NTRK2: variants seen among roughly 807,000 people sequenced by gnomAD.
NTRK2 encodes BDNF/NT-3 growth factors receptor.
A neutral mutation model predicts 94.5 loss-of-function variants in NTRK2; 13 were observed. That is an observed-to-expected ratio of 0.14 (90% CI 0.09 to 0.22). The LOEUF (loss-of-function observed/expected upper bound fraction) is 0.22. Ranked by LOEUF, NTRK2 falls within the 10% of genes least tolerant of loss-of-function variation. The probability of loss-of-function intolerance (pLI) is 1.00; values close to 1 mark genes in which losing one functional copy is unlikely to be tolerated. For missense variants in NTRK2, 639 were observed against 1,071.2 expected, an observed-to-expected ratio of 0.60 and a Z score of 5.63; for synonymous variants, 372 against 407.4, an observed-to-expected ratio of 0.91 and a Z score of 1.05.
chr9:84,716,974 G>T (rs748343760), intron 6 of NTRK2, among the ~76,000 whole-genome samples: 10 of 152,198 alleles, frequency 6.6e-5, no homozygotes, highest in Admixed American at 4.6e-4. Flanking sequence ...CCTGGTTGTG[G>T]AATATAGCTG....
chr9:84,772,568 G>A (rs1041556908), intron 12 of NTRK2, among the ~76,000 whole-genome samples: 1 of 152,144 alleles, frequency 6.6e-6, no homozygotes, highest in African/African-American at 2.4e-5. Flanking sequence ...GAATCTACAT[G>A]TGTACATCAT....
rs764661800 is a variant in NTRK2, at chr9:84,955,546, A to G, written c.2172+29A>G. 8 of 1,577,240 alleles carry G rather than the reference A, an allele frequency of 5.1e-6. No homozygotes were observed. The Admixed American group carries it at 1.2e-4, about 23-fold the overall frequency. On this transcript the variant is annotated intron_variant, in intron 17 of 18. Coordinates refer to ENST00000277120, the MANE Select transcript of NTRK2 (RefSeq NM_006180.6). The stretch of plus-strand genomic sequence containing the variant: ...AGTAGCTGTGCAGATCAGAGACCCC[A>G]GGGACCTCTTTCCCTGCGGGACCCC...
intron 12 of NTRK2, among the ~76,000 whole-genome samples, chr9:84,809,100 GC>G (rs1187616017): frequency 2.0e-5 from 3 of 152,096 alleles, no homozygotes; most frequent in Non-Finnish European, 2.9e-5. Flanking sequence ...GTTTCCATGG[GC>G]AAGTTCAGTG....
rs3837243 is a variant in NTRK2, at chr9:85,026,129, C to CA, written c.*4703dup. On this transcript the variant is annotated 3_prime_UTR_variant, in exon 19 of 19. Coordinates refer to ENST00000277120, the MANE Select transcript of NTRK2 (RefSeq NM_006180.6). ...CATTCAGCACAAACACAAAGCAAAG[C>CA]AAAAAAAAAAATATATATATATATA... 2,511 of 197,666 alleles carry CA rather than the reference C, an allele frequency of 0.013. 15 individuals carry two copies. Among genetic ancestry groups the CA allele is most frequent in the Admixed American group, 0.017 (282 of 16,150 alleles). The allele number at this position is 197,666 out of a possible 1,614,324, so 12.2% of individuals were successfully genotyped here.
At chr9:84,916,691 C>T (rs530949335) in intron 14 of NTRK2, among the ~76,000 whole-genome samples, 1 of 152,194 alleles carries the variant, frequency 6.6e-6, no homozygotes, top group African/African-American at 2.4e-5. Context: ...TGCAGCTGAG[C>T]CTGATACTGC....
At chr9:84,885,456 T>C (rs1193501689) in intron 14 of NTRK2, among the ~76,000 whole-genome samples, 1 of 152,206 alleles carries the variant, frequency 6.6e-6, no homozygotes, top group Non-Finnish European at 1.5e-5. Flanking sequence ...TCCGGTGTTC[T>C]TTGTATGGTA....
intron 15 of NTRK2, among the ~76,000 whole-genome samples, chr9:84,935,078 G>A (rs998610835): frequency 6.6e-5 from 10 of 152,014 alleles, no homozygotes; most frequent in African/African-American, 2.4e-4. Flanking sequence ...CCAAAATAAT[G>A]GGTAATATAT....
chr9:84,715,609 T>C (rs2061667675), intron 6 of NTRK2, among the ~76,000 whole-genome samples: 1 of 152,122 alleles, frequency 6.6e-6, no homozygotes, highest in Non-Finnish European at 1.5e-5. Context: ...CCACATTAAT[T>C]GGAATAGAGA....
At chr9:84,770,153 AACACACACACACACAC>A (rs35363257) in intron 12 of NTRK2, among the ~76,000 whole-genome samples, 3 of 137,042 alleles carry the variant, frequency 2.2e-5, no homozygotes, top group East Asian at 4.3e-4. Flanking sequence ...TGTGCATGAG[AACACACACACACACAC>A]ACACACACAC....
chr9:84,752,544 A>T (rs1442328355), intron 12 of NTRK2, among the ~76,000 whole-genome samples: 1 of 152,206 alleles, frequency 6.6e-6, no homozygotes, highest in Non-Finnish European at 1.5e-5. Context: ...TTTAAACAAC[A>T]GTGTTATGAA....
intron 17 of NTRK2, among the ~76,000 whole-genome samples, chr9:84,999,940 C>T (rs970252839): frequency 3.9e-5 from 6 of 152,104 alleles, no homozygotes; most frequent in Admixed American, 6.5e-5. Context: ...CAAATGATGG[C>T]GAAAGCACAG....
chr9:84,674,039 T>C (rs1445736272), intron 2 of NTRK2, among the ~76,000 whole-genome samples: 1 of 152,164 alleles, frequency 6.6e-6, no homozygotes, highest in Non-Finnish European at 1.5e-5. Flanking sequence ...AGTGCCAAAG[T>C]GCATTGCAAA....
At chr9:84,771,741 G>A (rs1425187015) in intron 12 of NTRK2, among the ~76,000 whole-genome samples, 1 of 152,198 alleles carries the variant, frequency 6.6e-6, no homozygotes, top group East Asian at 1.9e-4. Context: ...CCCACAACAT[G>A]GACAAAGTCC....
chr9:84,689,291 C>A (rs950748359), intron 2 of NTRK2, among the ~76,000 whole-genome samples: 7 of 152,226 alleles, frequency 4.6e-5, no homozygotes, highest in African/African-American at 1.7e-4. Context: ...TGCCCTTTGG[C>A]TTGTCTGTGC....
chr9:84,939,316 C>T (rs11790718), intron 15 of NTRK2, among the ~76,000 whole-genome samples: 5,629 of 152,014 alleles, frequency 0.037, 138 homozygotes, highest in Admixed American at 0.061. Flanking sequence ...AACAGGAATC[C>T]AAAGAAGACA....
intron 2 of NTRK2, among the ~76,000 whole-genome samples, chr9:84,695,703 C>T (rs904432979): frequency 2.0e-5 from 3 of 152,138 alleles, no homozygotes; most frequent in East Asian, 1.9e-4. Context: ...AGCTCAATGC[C>T]CTTTCTCCTT....
chr9:84,729,603 T>C (rs2132108514), intron 9 of NTRK2, among the ~76,000 whole-genome samples: 1 of 152,360 alleles, frequency 6.6e-6, no homozygotes, highest in African/African-American at 2.4e-5. Context: ...TTCACAGCCT[T>C]ATCACCTCCC....
chr9:84,750,730 A>G (rs1035829642), intron 11 of NTRK2, among the ~76,000 whole-genome samples: 4 of 152,254 alleles, frequency 2.6e-5, no homozygotes, highest in African/African-American at 9.6e-5. Flanking sequence ...CCTTTACAGC[A>G]AAAGTTTGCC....
chr9:84,860,933 T>G, intron 12 of NTRK2, 107 bp from the exon 13 acceptor site: 1 of 491,658 alleles, frequency 2.0e-6, no homozygotes, highest in Non-Finnish European at 3.7e-6. Context: ...ATTTATTTAT[T>G]TTTGTCGGGG....
Sources: allele counts gnomAD v4.1 joint callset (sites outside exome capture counted in the v4.1 genomes callset), GRCh38; gene constraint gnomAD v4.1.1; transcripts MANE v1.5; gene names NCBI Gene and HGNC (gene_info 2026-07-23, HGNC 2026-07-21).